Variants in SGCZ observed in about 807,000 individuals in gnomAD.
SGCZ encodes the protein sarcoglycan zeta.
Under a neutral mutation model 41.3 loss-of-function variants are expected in SGCZ, and 40 were observed. The observed-to-expected ratio is 0.97, with a 90% CI of 0.75 to 1.26. The LOEUF is 1.26. Ranked by LOEUF, SGCZ falls within the 50% of genes most tolerant of loss-of-function variation. SGCZ has a pLI of 0.00. For missense variants in SGCZ, 552 were observed against 369.8 expected (o/e 1.49, Z -4.04); for synonymous variants, 206 against 137.5 (o/e 1.50, Z -3.49).
intron 2 of SGCZ, among the ~76,000 whole-genome samples, chr8:14,539,472 A>G (rs564465120): frequency 3.3e-5 from 5 of 151,616 alleles, no homozygotes; most frequent in African/African-American, 1.2e-4. Context: ...AAACAAGAGG[A>G]TATTGGGGAA....
At chr8:15,177,269 C>T (rs2603520) in intron 1 of SGCZ, among the ~76,000 whole-genome samples, 8,680 of 152,176 alleles carry the variant, frequency 0.057, 303 homozygotes, top group Non-Finnish European at 0.074. Context: ...CTCAGATGGT[C>T]GAAATTATGC....
chr8:15,223,942 C>A (rs1051293123), intron 1 of SGCZ, among the ~76,000 whole-genome samples: 1 of 152,106 alleles, frequency 6.6e-6, no homozygotes, highest in Non-Finnish European at 1.5e-5. Flanking sequence ...GTAACCTCCA[C>A]CTCCTGGGTC....
At chr8:14,996,354 G>C (rs1315986455) in intron 1 of SGCZ, among the ~76,000 whole-genome samples, 2 of 152,132 alleles carry the variant, frequency 1.3e-5, no homozygotes, top group Admixed American at 1.3e-4. Flanking sequence ...CCAAATGAGG[G>C]GTGATGACAA....
chr8:14,703,341 G>A (rs967990323), intron 1 of SGCZ, among the ~76,000 whole-genome samples: 4 of 151,914 alleles, frequency 2.6e-5, no homozygotes, highest in African/African-American at 7.2e-5. Context: ...GCCTCAGGGT[G>A]TGTGTTCCCT....
rs957064527 is a variant in SGCZ, at chr8:14,105,004, A to G, written c.621-2505T>C. 1.6e-4 allele frequency among the ~76,000 whole-genome samples: 25 copies of G among 152,292 alleles called. 1 individual carries two copies. Among genetic ancestry groups the G allele is most frequent in the African/African-American group, 6.0e-4 (25 of 41,600 alleles). On this transcript the variant is annotated intron_variant, in intron 6 of 7. Coordinates refer to ENST00000382080, the MANE Select transcript of SGCZ (RefSeq NM_139167.4). ...AGTTTCATCACTTTTTACCATAGGT[A>G]CAGAAACTCTTCAAACTGTAGTAAC...
intron 2 of SGCZ, among the ~76,000 whole-genome samples, chr8:14,423,149 C>G (rs1341357619): frequency 6.6e-6 from 1 of 151,290 alleles, no homozygotes; most frequent in Non-Finnish European, 1.5e-5. Context: ...AAAGTAAACT[C>G]TGGGGACTGT....
At chr8:14,442,803 T>C (rs944118663) in intron 2 of SGCZ, among the ~76,000 whole-genome samples, 3 of 152,212 alleles carry the variant, frequency 2.0e-5, no homozygotes, top group Non-Finnish European at 4.4e-5. Context: ...ATTTGTTTTA[T>C]TGTTGTTAAT....
rs79381190 is a variant in SGCZ, at chr8:15,110,127, G to A, written c.39+127458C>T. Among the ~76,000 whole-genome samples the A allele has an allele frequency of 2.5e-3, 374 of 152,206 alleles. 4 individuals are homozygous for A. The East Asian group carries it at 0.026, about 11-fold the overall frequency. On this transcript the variant is annotated intron_variant, in intron 1 of 7. Coordinates refer to ENST00000382080, the MANE Select transcript of SGCZ (RefSeq NM_139167.4). ...AGTGAATTCATAAAGCCAATGGCACGTTAGTGAGAATATTAAATGGGGTTA... is the reference window on the plus strand; with the variant it reads ...AGTGAATTCATAAAGCCAATGGCACATTAGTGAGAATATTAAATGGGGTTA...
intron 2 of SGCZ, among the ~76,000 whole-genome samples, chr8:14,388,832 T>C (rs1446276043): frequency 8.8e-6 from 1 of 113,878 alleles, no homozygotes; most frequent in Non-Finnish European, 1.8e-5. Flanking sequence ...CAAAAATTAA[T>C]AAAAAAGAAA....
At chr8:14,148,001 A>G (rs1803579988) in intron 5 of SGCZ, among the ~76,000 whole-genome samples, 1 of 152,164 alleles carries the variant, frequency 6.6e-6, no homozygotes, top group Non-Finnish European at 1.5e-5. Context: ...AATTTCTTGA[A>G]ACAAATGATA....
In SGCZ at chr8:14,376,341, A is replaced by G. The variant is rs528945938; in HGVS notation, c.235-52137T>C. 6.9e-4 allele frequency among the ~76,000 whole-genome samples: 92 copies of G among 133,486 alleles called. 1 individual carries two copies. In the South Asian group the frequency reaches 0.01, roughly 15 times the overall value. 87.6% of individuals were successfully genotyped at this position (133,486 alleles called of 152,430 possible). On this transcript the variant is annotated intron_variant, in intron 2 of 7. Transcript: ENST00000382080. ...AATAAAATAAAATAAAAAATAAAAT[A>G]AAAAAAATACAATGGAAAAATAACT...
At chr8:14,722,822 T>G (rs1180552249) in intron 1 of SGCZ, among the ~76,000 whole-genome samples, 11 of 152,286 alleles carry the variant, frequency 7.2e-5, no homozygotes, top group African/African-American at 2.4e-4. Flanking sequence ...GCATGTGTTT[T>G]TATGTATATT....
chr8:14,510,186 G>C (rs1209587489), intron 2 of SGCZ, among the ~76,000 whole-genome samples: 1 of 152,024 alleles, frequency 6.6e-6, no homozygotes. Context: ...AATAAGTTTT[G>C]AGTTTATTAT....
chr8:14,756,717 T>C (rs1247609100), intron 1 of SGCZ, among the ~76,000 whole-genome samples: 1 of 152,144 alleles, frequency 6.6e-6, no homozygotes, highest in Non-Finnish European at 1.5e-5. Context: ...AAAATACATA[T>C]TTTGCATTAA....
intron 1 of SGCZ, among the ~76,000 whole-genome samples, chr8:14,860,190 T>C (rs955290713): frequency 6.6e-6 from 1 of 152,060 alleles, no homozygotes; most frequent in African/African-American, 2.4e-5. Context: ...CAAAGTCTTT[T>C]TTTTTGTCTT....
chr8:14,533,201 G>A (rs1219040810), intron 2 of SGCZ, among the ~76,000 whole-genome samples: 1 of 151,146 alleles, frequency 6.6e-6, no homozygotes, highest in Non-Finnish European at 1.5e-5. Context: ...GTATCCAAGT[G>A]TTCTCATTGT....
At chr8:14,605,622 AT>A (rs1304183920) in intron 1 of SGCZ, among the ~76,000 whole-genome samples, 1 of 152,084 alleles carries the variant, frequency 6.6e-6, no homozygotes, top group Non-Finnish European at 1.5e-5. Flanking sequence ...AGTTCAATTA[AT>A]TTTTAGGTTC....
At chr8:14,092,410 G>A (rs377674826) in intron 7 of SGCZ, among the ~76,000 whole-genome samples, 4 of 152,178 alleles carry the variant, frequency 2.6e-5, no homozygotes, top group South Asian at 2.1e-4. Flanking sequence ...ACTTTGGGCA[G>A]TATGGCCATT....
intron 1 of SGCZ, among the ~76,000 whole-genome samples, chr8:14,615,268 A>G (rs1182329937): frequency 6.6e-6 from 1 of 152,194 alleles, no homozygotes; most frequent in Admixed American, 6.5e-5. Flanking sequence ...AACTAAGAAT[A>G]TAGCAAACAG....
Sources: gnomAD v4.1 joint callset for allele counts (sites outside exome capture counted in the v4.1 genomes callset) on GRCh38, gnomAD v4.1.1 for gene constraint, MANE v1.5 for transcripts, NCBI Gene and HGNC (gene_info 2026-07-23, HGNC 2026-07-21) for gene names.